Variants in FTO observed in about 807,000 individuals in gnomAD.
FTO encodes alpha-ketoglutarate-dependent dioxygenase FTO.
Under a neutral mutation model 63.9 loss-of-function variants are expected in FTO, and 47 were observed. The ratio of observed to expected loss-of-function variants is 0.74; its 90% CI spans 0.58 to 0.94. The LOEUF is 0.94. FTO is among the 40% of genes least tolerant of loss of function. The pLI, the probability that FTO is intolerant of heterozygous loss-of-function variation, is 0.00. For missense variants in FTO, 562 were observed against 618.1 expected (o/e 0.91, Z 0.96); for synonymous variants, 207 against 224.4 (o/e 0.92, Z 0.69).
intron 8 of FTO, among the ~76,000 whole-genome samples, chr16:54,079,867 A>G (rs1333436303): frequency 1.3e-5 from 2 of 152,274 alleles, no homozygotes; most frequent in African/African-American, 4.8e-5. Flanking sequence ...TAAGATCTCT[A>G]TTTATTTTTC....
chr16:54,076,132 G>A (rs73623520), intron 8 of FTO, among the ~76,000 whole-genome samples: 404 of 152,270 alleles, frequency 2.7e-3, no homozygotes, highest in African/African-American at 9.1e-3. Flanking sequence ...GCAGGGTTTT[G>A]ATGATTTTAT....
At chr16:54,072,328 G>A (rs973903438) in intron 8 of FTO, 9 of 152,088 alleles carry the variant, frequency 5.9e-5, no homozygotes, top group African/African-American at 1.9e-4. Context: ...TCAGTGGAAG[G>A]CAACAGCCTC....
In FTO at chr16:54,019,425, A is replaced by G. The variant is rs146081945; in HGVS notation, c.1364+85316A>G. Among the ~76,000 whole-genome samples the G allele has an allele frequency of 4.1e-4, 63 of 152,290 alleles. 1 individual carries two copies. The East Asian group carries it at 0.011, about 26-fold the overall frequency. On this transcript the variant is annotated intron_variant, in intron 8 of 8. Transcript: ENST00000471389. ...ATTTTTTTATGCCTCTGCCATACTC[A>G]TAGAACCATATACATTTCTTTAGTA...
At chr16:53,842,924 C>T (rs954439055) in intron 3 of FTO, among the ~76,000 whole-genome samples, 4 of 152,214 alleles carry the variant, frequency 2.6e-5, no homozygotes. Context: ...ATCTTCCTCC[C>T]TTGGCCTCCC....
intron 1 of FTO, among the ~76,000 whole-genome samples, chr16:53,716,857 G>C (rs2075905222): frequency 6.6e-6 from 1 of 150,668 alleles, no homozygotes; most frequent in African/African-American, 2.4e-5. Flanking sequence ...CTTTATATTA[G>C]TGTATTGCTT....
intron 1 of FTO, among the ~76,000 whole-genome samples, chr16:53,778,677 G>A (rs1226236182): frequency 6.6e-6 from 1 of 151,984 alleles, no homozygotes; most frequent in East Asian, 1.9e-4. Context: ...TTTTACCCTG[G>A]AACTTAGGCT....
chr16:53,719,253 C>CTTTT (rs10527186), intron 1 of FTO, among the ~76,000 whole-genome samples: 77 of 135,650 alleles, frequency 5.7e-4, no homozygotes, highest in East Asian at 3.4e-3. Context: ...TCTTCTTCTT[C>CTTTT]TTTTTTTTTT....
intron 8 of FTO, among the ~76,000 whole-genome samples, chr16:53,986,436 G>A (rs934913882): frequency 6.6e-6 from 1 of 152,176 alleles, no homozygotes; most frequent in African/African-American, 2.4e-5. Flanking sequence ...CACCAAAGCT[G>A]AATATCATCC....
rs78906628 is a variant in FTO, at chr16:53,898,705, G to A, written c.1239+9754G>A. Among the ~76,000 whole-genome samples, 836 of 152,090 alleles carry A rather than the reference G, an allele frequency of 5.5e-3. 12 individuals carry two copies. Among genetic ancestry groups the A allele is most frequent in the African/African-American group, 0.019 (792 of 41,488 alleles). ...GTGGCCTTAAATCTTTTTTTGGGAC[G>A]GTCTTACTCTGTTGCCTAGGCTAGA... On this transcript the variant is annotated intron_variant, in intron 7 of 8. Coordinates refer to ENST00000471389, the MANE Select transcript of FTO (RefSeq NM_001080432.3).
intron 8 of FTO, among the ~76,000 whole-genome samples, chr16:54,065,288 C>A (rs1326918239): frequency 6.6e-6 from 1 of 151,914 alleles, no homozygotes; most frequent in East Asian, 1.9e-4. Flanking sequence ...TTCCCAGTAG[C>A]TGGGACTAGG....
Position 54,106,842 on chromosome 16 carries a change from C to A in FTO, c.1365-4920C>A, listed in dbSNP as rs1464087657. ...CTTATTATATATAATTTATGTATATCATTATATATAATAATTATATATAAT... is the reference window on the plus strand; with the variant it reads ...CTTATTATATATAATTTATGTATATAATTATATATAATAATTATATATAAT... On this transcript the variant is annotated intron_variant, in intron 8 of 8. Coordinates refer to ENST00000471389, the MANE Select transcript of FTO (RefSeq NM_001080432.3). 6.8e-5 allele frequency among the ~76,000 whole-genome samples: 9 copies of A among 132,530 alleles called. No individual in the cohort carries two copies. In the South Asian group the frequency reaches 1.9e-3, roughly 28 times the overall value. 86.9% of individuals were successfully genotyped at this position (132,530 alleles called of 152,430 possible).
At chr16:53,793,198 TTAATA>T (rs1308912665) in intron 1 of FTO, among the ~76,000 whole-genome samples, 1 of 152,204 alleles carries the variant, frequency 6.6e-6, no homozygotes, top group African/African-American at 2.4e-5. Flanking sequence ...GTCTTTGATA[TTAATA>T]TATTTTTCAG....
rs183664627 is a variant in FTO at position 53,897,005 on chromosome 16, G to A, written c.1239+8054G>A. Among the ~76,000 whole-genome samples, 416 of 152,226 alleles carry A rather than the reference G, an allele frequency of 2.7e-3. 2 individuals are homozygous for A. Among genetic ancestry groups the A allele is most frequent in the African/African-American group, 9.6e-3 (399 of 41,538 alleles). ...GGGAACACATTAAGTTGGCCCTTCC[G>A]TGCCTTATGGTAACATAACCACCAT... On this transcript the variant is annotated intron_variant, in intron 7 of 8. Transcript: ENST00000471389.
chr16:54,092,452 C>T (rs1461826013), intron 8 of FTO, among the ~76,000 whole-genome samples: 2 of 152,140 alleles, frequency 1.3e-5, no homozygotes, highest in Admixed American at 6.5e-5. Context: ...ATAAGAACCT[C>T]CCAAGAACAG....
chr16:53,998,951 CAA>C (rs1197188556), intron 8 of FTO, among the ~76,000 whole-genome samples: 3 of 152,168 alleles, frequency 2.0e-5, no homozygotes, highest in South Asian at 2.1e-4. Context: ...GATTATATCT[CAA>C]GAGTGGATTA....
In FTO at chr16:54,011,634, T is replaced by C. The variant is rs940281411; in HGVS notation, c.1364+77525T>C. Among the ~76,000 whole-genome samples the C allele has an allele frequency of 2.9e-4, 44 of 152,248 alleles. 1 individual carries two copies. The highest frequency in any genetic ancestry group is 1.3e-4 in the Admixed American group (2 of 15,288). ...GTGCCATTTTTTCAACAACATGTGCTCACTTCGTGTCTCTGTCACATTTTA... is the reference window on the plus strand; with the variant it reads ...GTGCCATTTTTTCAACAACATGTGCCCACTTCGTGTCTCTGTCACATTTTA... On this transcript the variant is annotated intron_variant, in intron 8 of 8. Coordinates refer to ENST00000471389, the MANE Select transcript of FTO (RefSeq NM_001080432.3).
At chr16:53,958,491 T>C (rs1472636747) in intron 8 of FTO, among the ~76,000 whole-genome samples, 1 of 152,162 alleles carries the variant, frequency 6.6e-6, no homozygotes, top group Non-Finnish European at 1.5e-5. Context: ...CTTTGTCAGA[T>C]AGGTTAAAAG....
chr16:54,054,827 G>A (rs777962547), intron 8 of FTO, among the ~76,000 whole-genome samples: 12 of 152,144 alleles, frequency 7.9e-5, no homozygotes, highest in Non-Finnish European at 1.8e-4. Context: ...TCATAGAGAC[G>A]GCTGAGTGGA....
rs2081306758 is a variant in FTO, at chr16:53,897,622, A to G, written c.1239+8671A>G. On this transcript the variant is annotated intron_variant, in intron 7 of 8. Coordinates refer to ENST00000471389, the MANE Select transcript of FTO (RefSeq NM_001080432.3). The stretch of plus-strand genomic sequence containing the variant: ...TTTTACTTGATGACATAAACTTTTC[A>G]TGCAGTTAGCAGTGACATTTTTTAA... 3.3e-5 allele frequency among the ~76,000 whole-genome samples: 5 copies of G among 152,324 alleles called. No individual in the cohort carries two copies. The South Asian group carries it at 8.3e-4, about 25-fold the overall frequency.
Sources: gnomAD v4.1 joint callset for allele counts (sites outside exome capture counted in the v4.1 genomes callset) on GRCh38, gnomAD v4.1.1 for gene constraint, MANE v1.5 for transcripts, NCBI Gene and HGNC (gene_info 2026-07-23, HGNC 2026-07-21) for gene names.